Variants in SFT2D1 observed in about 807,000 individuals in gnomAD.
The protein encoded by SFT2D1 is vesicle transport protein SFT2A.
In SFT2D1, 24 loss-of-function variants were observed where a neutral mutation model predicts 28.1. The ratio of observed to expected loss-of-function variants is 0.85; its 90% CI spans 0.62 to 1.20. The LOEUF (loss-of-function observed/expected upper bound fraction) is 1.20. Ranked by LOEUF, SFT2D1 falls within the 50% of genes most tolerant of loss-of-function variation. The pLI is 0.00. For missense variants in SFT2D1, 181 were observed against 190.9 expected, an observed-to-expected ratio of 0.95 and a Z score of 0.31; for synonymous variants, 82 against 73.7, an observed-to-expected ratio of 1.11 and a Z score of -0.58.
At chr6:166,340,148 C>CTT (rs879434427) in intron 1 of SFT2D1, among the ~76,000 whole-genome samples, 1 of 152,226 alleles carries the variant, frequency 6.6e-6, no homozygotes, top group South Asian at 2.1e-4. Flanking sequence ...AATCTGACCA[C>CTT]TTTTTTGTTT....
chr6:166,337,908 G>A (rs1193957417), intron 1 of SFT2D1, among the ~76,000 whole-genome samples: 2 of 152,108 alleles, frequency 1.3e-5, no homozygotes, highest in Non-Finnish European at 2.9e-5. Context: ...TGGGGATGGA[G>A]TCCTCATGAA....
intron 1 of SFT2D1, among the ~76,000 whole-genome samples, chr6:166,342,140 T>C (rs1484860066): frequency 2.0e-5 from 3 of 152,136 alleles, no homozygotes; most frequent in Non-Finnish European, 4.4e-5. Context: ...CGATGGATTA[T>C]TTGGGAAAGC....
intron 1 of SFT2D1, among the ~76,000 whole-genome samples, chr6:166,341,627 T>C (rs369535136): frequency 1.3e-5 from 2 of 152,016 alleles, no homozygotes; most frequent in South Asian, 2.1e-4. Context: ...GAGAGACAAA[T>C]AGAAGATCCT....
chr6:166,327,725 A>G (rs936596058), intron 4 of SFT2D1, among the ~76,000 whole-genome samples: 1 of 152,210 alleles, frequency 6.6e-6, no homozygotes, highest in African/African-American at 2.4e-5. Context: ...CCATATACGC[A>G]GCAGAAGCAG....
intron 7 of SFT2D1, among the ~76,000 whole-genome samples, chr6:166,321,048 T>C (rs770252936): frequency 4.0e-5 from 6 of 151,888 alleles, no homozygotes; most frequent in South Asian, 2.1e-4. Context: ...GAGGTGGAGG[T>C]TGCAGTGAGC....
At chr6:166,324,684 G>T in intron 5 of SFT2D1, 89 bp from the exon 6 acceptor site, 1 of 1,135,824 alleles carries the variant, frequency 8.8e-7, no homozygotes, top group Non-Finnish European at 1.3e-6. Context: ...TTTCAAAAAT[G>T]TAGATGATGG....
At chr6:166,334,171 T>C (rs1778602496) in intron 1 of SFT2D1, among the ~76,000 whole-genome samples, 1 of 152,220 alleles carries the variant, frequency 6.6e-6, no homozygotes, top group Admixed American at 6.5e-5. Flanking sequence ...CACTCATACA[T>C]CCATTCATCC....
At chr6:166,329,666 A>G (rs1778514863) in intron 2 of SFT2D1, 77 bp from the exon 3 acceptor site, 11 of 1,117,104 alleles carry the variant, frequency 9.8e-6, no homozygotes, top group Non-Finnish European at 1.4e-5. Flanking sequence ...CTACTGCAGT[A>G]ATACAATACC....
intron 7 of SFT2D1, 25 bp from the exon 8 acceptor site, chr6:166,320,281 A>C: frequency 1.2e-6 from 2 of 1,602,242 alleles, no homozygotes; most frequent in Non-Finnish European, 1.7e-6. Context: ...AGGGAAAAAA[A>C]CAGAATATAA....
chr6:166,324,715 T>C, intron 5 of SFT2D1, 120 bp from the exon 6 acceptor site: 1 of 912,678 alleles, frequency 1.1e-6, no homozygotes, highest in East Asian at 2.7e-5. Context: ...CTTTATTAAA[T>C]TTTAGTGTGA....
At chr6:166,339,020 G>A (rs1006092916) in intron 1 of SFT2D1, among the ~76,000 whole-genome samples, 1 of 151,946 alleles carries the variant, frequency 6.6e-6, no homozygotes, top group Non-Finnish European at 1.5e-5. Flanking sequence ...CAATTCCAAT[G>A]TGCCCGCCAT....
chr6:166,326,025 G>T, intron 5 of SFT2D1, 107 bp downstream of exon 5: 2 of 1,117,580 alleles, frequency 1.8e-6, no homozygotes, highest in Non-Finnish European at 2.7e-6. Flanking sequence ...TCTTTAGAGA[G>T]TTTTAAAAAA....
At chr6:166,334,724 C>A in intron 1 of SFT2D1, 1 of 333,810 alleles carries the variant, frequency 3.0e-6, no homozygotes, top group South Asian at 3.0e-5. Flanking sequence ...ACTGTGTAGT[C>A]ATGAGATCCA....
intron 1 of SFT2D1, among the ~76,000 whole-genome samples, chr6:166,334,072 C>T (rs553345027): frequency 6.6e-6 from 1 of 152,340 alleles, no homozygotes; most frequent in African/African-American, 2.4e-5. Flanking sequence ...TGTTCTCACT[C>T]TCTGAAAATG....
chr6:166,325,238 T>A (rs1778422118), intron 5 of SFT2D1, among the ~76,000 whole-genome samples: 1 of 151,904 alleles, frequency 6.6e-6, no homozygotes, highest in Admixed American at 6.6e-5. Context: ...CGTAAATCAA[T>A]CTCATATAAC....
intron 1 of SFT2D1, among the ~76,000 whole-genome samples, chr6:166,331,942 C>G (rs1027525000): frequency 6.6e-6 from 1 of 152,194 alleles, no homozygotes; most frequent in African/African-American, 2.4e-5. Context: ...CAAGTTCAAT[C>G]GCTGCTTTTC....
chr6:166,341,414 A>G (rs568989269), intron 1 of SFT2D1, among the ~76,000 whole-genome samples: 2 of 149,442 alleles, frequency 1.3e-5, no homozygotes, highest in South Asian at 2.1e-4. Flanking sequence ...ACGCCACTGC[A>G]CTCCAGGCCT....
intron 1 of SFT2D1, among the ~76,000 whole-genome samples, chr6:166,332,999 G>A (rs1456893417): frequency 6.6e-6 from 1 of 152,192 alleles, no homozygotes; most frequent in East Asian, 1.9e-4. Flanking sequence ...CAGCACAGCT[G>A]GAAGGACCTG....
At chr6:166,336,425 T>C (rs978283721) in intron 1 of SFT2D1, among the ~76,000 whole-genome samples, 3 of 152,216 alleles carry the variant, frequency 2.0e-5, no homozygotes, top group Non-Finnish European at 4.4e-5. Flanking sequence ...ATGAAGCTTG[T>C]GTATCATCCA....
Sources: gnomAD v4.1 joint callset for allele counts (sites outside exome capture counted in the v4.1 genomes callset) on GRCh38, gnomAD v4.1.1 for gene constraint, MANE v1.5 for transcripts, NCBI Gene and HGNC (gene_info 2026-07-23, HGNC 2026-07-21) for gene names.